The following PDE4D variants were observed in gnomAD, a reference collection of about 807,000 sequenced individuals.
PDE4D encodes 3',5'-cyclic-AMP phosphodiesterase 4D.
PDE4D carries 24 observed loss-of-function variants against 87.4 expected under a neutral mutation model. The ratio of observed to expected loss-of-function variants is 0.27; its 90% CI spans 0.20 to 0.39. The LOEUF (loss-of-function observed/expected upper bound fraction) is 0.39, where lower values mean the gene tolerates loss of function less well. Among genes scored for constraint, PDE4D ranks in the 10% least tolerant of loss-of-function variants. The pLI, the probability that PDE4D is intolerant of heterozygous loss-of-function variation, is 1.00. For synonymous variants in PDE4D, 384 were observed against 383.2 expected (o/e 1.00, Z -0.02); for missense variants, 714 against 1,041.0 (o/e 0.69, Z 4.32).
At chr5:60,227,153 T>A (rs1396987727) in intron 1 of PDE4D, among the ~76,000 whole-genome samples, 1 of 152,034 alleles carries the variant, frequency 6.6e-6, no homozygotes, top group East Asian at 1.9e-4. Flanking sequence ...CCCCAATCAG[T>A]CACAAAAACA....
intron 1 of PDE4D, among the ~76,000 whole-genome samples, chr5:59,826,235 C>T (rs1052522825): frequency 1.3e-5 from 2 of 152,088 alleles, no homozygotes; most frequent in African/African-American, 4.8e-5. Context: ...GCCAAGAACT[C>T]GAGTAATAAT....
chr5:59,311,499 C>CAAAAAAAAAAA (rs35020719), intron 1 of PDE4D, among the ~76,000 whole-genome samples: 1 of 43,356 alleles, frequency 2.3e-5, no homozygotes, highest in South Asian at 1.1e-3. Context: ...GACTCTGTCT[C>CAAAAAAAAAAA]AAAAAAAAAA....
At chr5:59,805,045 G>A (rs970478037) in intron 1 of PDE4D, among the ~76,000 whole-genome samples, 4 of 152,008 alleles carry the variant, frequency 2.6e-5, no homozygotes, top group East Asian at 1.9e-4. Flanking sequence ...CACCCGCCTC[G>A]GTCTCCCAAA....
chr5:59,543,616 A>G (rs1816746398), intron 1 of PDE4D, among the ~76,000 whole-genome samples: 1 of 152,028 alleles, frequency 6.6e-6, no homozygotes, highest in African/African-American at 2.4e-5. Flanking sequence ...AGATTAACAG[A>G]CCCAGCTGCT....
intron 2 of PDE4D, among the ~76,000 whole-genome samples, chr5:60,154,689 A>G (rs905244568): frequency 6.6e-6 from 1 of 152,238 alleles, no homozygotes; most frequent in African/African-American, 2.4e-5. Flanking sequence ...AAAAAGCAGC[A>G]TATTATCAGC....
chr5:59,872,122 G>C (rs1040902080), intron 1 of PDE4D, among the ~76,000 whole-genome samples: 5 of 152,082 alleles, frequency 3.3e-5, no homozygotes, highest in Non-Finnish European at 5.9e-5. Context: ...TAAACTTGGC[G>C]ACGATGGGAG....
chr5:59,680,931 C>A (rs1210620282), intron 1 of PDE4D, among the ~76,000 whole-genome samples: 4 of 151,806 alleles, frequency 2.6e-5, no homozygotes, highest in Admixed American at 2.6e-4. Flanking sequence ...CTGAATATAC[C>A]CATGGATATA....
intron 1 of PDE4D, among the ~76,000 whole-genome samples, chr5:59,362,580 A>T (rs945090758): frequency 2.0e-5 from 3 of 152,200 alleles, no homozygotes; most frequent in African/African-American, 7.2e-5. Flanking sequence ...CAAAACCCTA[A>T]GCTTCTCCTA....
intron 1 of PDE4D, among the ~76,000 whole-genome samples, chr5:59,843,204 T>G (rs1476173554): frequency 6.6e-6 from 1 of 151,998 alleles, no homozygotes; most frequent in African/African-American, 2.4e-5. Flanking sequence ...ATAAGCCCTA[T>G]CAAAGGTCAA....
intron 1 of PDE4D, among the ~76,000 whole-genome samples, chr5:59,574,134 A>T (rs972485605): frequency 0.17 from 784 of 4,614 alleles, 28 homozygotes; most frequent in African/African-American, 0.24. Flanking sequence ...ATATTTATAT[A>T]TATATATATA....
chr5:59,858,597 A>G (rs1745806795), intron 1 of PDE4D, among the ~76,000 whole-genome samples: 1 of 152,134 alleles, frequency 6.6e-6, no homozygotes, highest in Admixed American at 6.6e-5. Context: ...GAGAATGTGG[A>G]ATGGAGATGC....
chr5:59,404,664 TAA>T (rs141310449), intron 1 of PDE4D, among the ~76,000 whole-genome samples: 1,385 of 137,068 alleles, frequency 0.01, 20 homozygotes, highest in African/African-American at 0.034. Context: ...AGACTCTGTC[TAA>T]AAAAAAAAAA....
intron 1 of PDE4D, among the ~76,000 whole-genome samples, chr5:60,516,794 G>A (rs1750819201): frequency 6.6e-6 from 1 of 152,218 alleles, no homozygotes; most frequent in Admixed American, 6.5e-5. Flanking sequence ...ATTGATGACA[G>A]TGGTGGCCCA....
intron 3 of PDE4D, among the ~76,000 whole-genome samples, chr5:59,958,823 G>A (rs1283140705): frequency 6.6e-6 from 1 of 152,058 alleles, no homozygotes; most frequent in Admixed American, 6.6e-5. Flanking sequence ...ATTCAACATA[G>A]TAACGGAAGT....
At chr5:60,415,763 G>A (rs538531487) in intron 1 of PDE4D, among the ~76,000 whole-genome samples, 15 of 152,350 alleles carry the variant, frequency 9.8e-5, no homozygotes, top group Admixed American at 3.9e-4. Context: ...GCTCCAGGGC[G>A]CCCAGTCCCA....
At chr5:60,437,026 G>A (rs1202877631) in intron 1 of PDE4D, among the ~76,000 whole-genome samples, 3 of 151,934 alleles carry the variant, frequency 2.0e-5, no homozygotes, top group Admixed American at 6.6e-5. Flanking sequence ...ATTCTGACTC[G>A]ACCACTCTAG....
intron 1 of PDE4D, among the ~76,000 whole-genome samples, chr5:59,702,633 C>A (rs1752748880): frequency 6.6e-6 from 1 of 151,806 alleles, no homozygotes; most frequent in Non-Finnish European, 1.5e-5. Flanking sequence ...CTTTGGGAGG[C>A]CAAGGCAGGA....
chr5:60,350,269 TC>T (rs1374919225), intron 1 of PDE4D, among the ~76,000 whole-genome samples: 1 of 152,204 alleles, frequency 6.6e-6, no homozygotes, highest in African/African-American at 2.4e-5. Flanking sequence ...TAGGTGCACT[TC>T]CGTGTCTTCC....
At chr5:60,388,039 T>A (rs1194187784) in intron 1 of PDE4D, among the ~76,000 whole-genome samples, 2 of 152,180 alleles carry the variant, frequency 1.3e-5, no homozygotes, top group Non-Finnish European at 2.9e-5. Flanking sequence ...ACCAGTTTAT[T>A]ATAAAGTATA....
Sources: gnomAD v4.1 joint callset for allele counts (sites outside exome capture counted in the v4.1 genomes callset) on GRCh38, gnomAD v4.1.1 for gene constraint, MANE v1.5 for transcripts, NCBI Gene and HGNC (gene_info 2026-07-23, HGNC 2026-07-21) for gene names.